GABRA4: variants seen among roughly 807,000 people sequenced by gnomAD.
GABRA4 encodes gamma-aminobutyric acid receptor subunit alpha-4.
Under a neutral mutation model 49.7 loss-of-function variants are expected in GABRA4, and 12 were observed. The observed-to-expected ratio is 0.24, with a 90% CI of 0.15 to 0.39. The LOEUF is 0.39. Among genes scored for constraint, GABRA4 ranks in the 10% least tolerant of loss-of-function variants. GABRA4 has a pLI of 1.00. For synonymous variants in GABRA4, 288 were observed against 240.2 expected (o/e 1.20, Z -1.84); for missense variants, 506 against 686.0 (o/e 0.74, Z 2.93).
chr4:46,980,484 G>A (rs1723320111), intron 2 of GABRA4, among the ~76,000 whole-genome samples: 1 of 151,376 alleles, frequency 6.6e-6, no homozygotes, highest in Non-Finnish European at 1.5e-5. Flanking sequence ...AATGAAGATT[G>A]ATCCACACAA....
intron 3 of GABRA4, among the ~76,000 whole-genome samples, chr4:46,978,588 G>A (rs1723230282): frequency 6.8e-6 from 1 of 147,116 alleles, no homozygotes; most frequent in Admixed American, 6.9e-5. Context: ...TTGGGAGGTT[G>A]AGGCAAGAGA....
chr4:46,983,739 T>C (rs1283927252), intron 2 of GABRA4, among the ~76,000 whole-genome samples: 2 of 152,088 alleles, frequency 1.3e-5, no homozygotes, highest in Non-Finnish European at 2.9e-5. Flanking sequence ...TCAAACTTAC[T>C]CAGAGTATAA....
intron 8 of GABRA4, among the ~76,000 whole-genome samples, chr4:46,949,545 A>G (rs1490972672): frequency 6.6e-6 from 1 of 152,108 alleles, no homozygotes; most frequent in Admixed American, 6.6e-5. Flanking sequence ...GATTAATTGG[A>G]AAAAAATCAT....
chr4:46,948,525 A>G (rs932882893), intron 8 of GABRA4, among the ~76,000 whole-genome samples: 2 of 152,104 alleles, frequency 1.3e-5, no homozygotes, highest in Admixed American at 1.3e-4. Context: ...GGCCTGAAAT[A>G]AACATATATA....
chr4:46,977,593 A>G lies in GABRA4; in HGVS notation c.311T>C (p.Ile104Thr). ...TMDVFFRQTW[I>T]DKRLKYDGPI... The stretch of plus-strand genomic sequence containing the variant: ...GCCGTCATATTTTAATCTTTTGTCA[A>G]TCCATGTCTGCCTGAAGAACACATC... Residue 104 changes from isoleucine (I) to threonine (T), a missense_variant, in exon 4 of 9, where the codon ATT (isoleucine) becomes ACT (threonine). This residue lies in a region of GABRA4 where 195 missense variants were observed against 326.0 expected (regional missense o/e 0.60). Coordinates refer to ENST00000264318, the MANE Select transcript of GABRA4 (RefSeq NM_000809.4). 1 of 1,612,890 alleles carries G rather than the reference A, an allele frequency of 6.2e-7. No individual in the cohort carries two copies. Among genetic ancestry groups the G allele is most frequent in the Non-Finnish European group, 8.5e-7 (1 of 1,179,356 alleles).
chr4:46,980,612 G>A (rs1723324175), intron 2 of GABRA4, among the ~76,000 whole-genome samples: 1 of 152,002 alleles, frequency 6.6e-6, no homozygotes, highest in South Asian at 2.1e-4. Flanking sequence ...GCTAACATGA[G>A]ATTTAATGTT....
chr4:46,954,253 C>G (rs188610656), intron 8 of GABRA4, among the ~76,000 whole-genome samples: 16 of 152,102 alleles, frequency 1.1e-4, no homozygotes, highest in Non-Finnish European at 1.8e-4. Context: ...ATCATTTGTA[C>G]TAAAGTAAGC....
intron 2 of GABRA4, among the ~76,000 whole-genome samples, chr4:46,982,993 G>A (rs550765006): frequency 5.3e-4 from 81 of 152,010 alleles, no homozygotes; most frequent in Non-Finnish European, 9.4e-4. Context: ...GATGAATTAT[G>A]TGCCAGGTAG....
intron 8 of GABRA4, among the ~76,000 whole-genome samples, chr4:46,954,584 CA>C (rs1722279612): frequency 1.3e-5 from 2 of 150,470 alleles, no homozygotes; most frequent in Admixed American, 6.6e-5. Context: ...GAGTGCAGAG[CA>C]AACTTGCATT....
intron 8 of GABRA4, 97 bp downstream of exon 8, chr4:46,964,873 G>T: frequency 7.9e-7 from 1 of 1,259,046 alleles, no homozygotes; most frequent in Non-Finnish European, 1.1e-6. Flanking sequence ...CTTACAAGTT[G>T]ATATCAGGAT....
intron 6 of GABRA4, among the ~76,000 whole-genome samples, chr4:46,971,650 TAC>T (rs1187914163): frequency 6.6e-6 from 1 of 151,036 alleles, no homozygotes; most frequent in Admixed American, 6.6e-5. Flanking sequence ...CACTGACACA[TAC>T]ACACACATTT....
At chr4:46,990,570 G>A (rs1284872275) in intron 2 of GABRA4, among the ~76,000 whole-genome samples, 3 of 152,066 alleles carry the variant, frequency 2.0e-5, no homozygotes, top group Non-Finnish European at 4.4e-5. Flanking sequence ...TCAATTTTCT[G>A]ATGAATATTT....
In GABRA4 at chr4:46,978,934, C is replaced by T. The variant is rs186199607; in HGVS notation, c.273+97G>A. 1,168 of 802,862 alleles carry T rather than the reference C, an allele frequency of 1.5e-3. 4 individuals carry two copies. The African/African-American group carries it at 0.017, about 11-fold the overall frequency. 49.7% of individuals were successfully genotyped at this position (802,862 alleles called of 1,614,324 possible). A position where few individuals can be genotyped will look rare whatever the true frequency, so the allele number is the denominator to read the frequency against. ...AATTAGGGATTCTTTAGGTTTCTGG[C>T]TTTGTGTGATTGACAACAAAATAAA... is the stretch of plus-strand genomic sequence containing the variant. On this transcript the variant is annotated intron_variant, in intron 3 of 8. Transcript: ENST00000264318.
chr4:46,965,543 G>A (rs530679720), intron 7 of GABRA4, among the ~76,000 whole-genome samples: 2 of 151,724 alleles, frequency 1.3e-5, no homozygotes, highest in Non-Finnish European at 2.9e-5. Flanking sequence ...AAGGTTAAAA[G>A]CATGTAACGC....
chr4:46,954,611 A>G (rs1197560448), intron 8 of GABRA4, among the ~76,000 whole-genome samples: 10 of 151,984 alleles, frequency 6.6e-5, no homozygotes, highest in Admixed American at 6.6e-4. Context: ...CAAAGAATGG[A>G]TGAGTTTGTA....
At chr4:46,974,110 T>C in intron 6 of GABRA4, 122 bp downstream of exon 6, 1 of 923,276 alleles carries the variant, frequency 1.1e-6, no homozygotes, top group Non-Finnish European at 1.6e-6. Flanking sequence ...ATGCATCAAC[T>C]CTATTTCTGG....
At chr4:46,975,895 T>A (rs1244765281) in intron 5 of GABRA4, among the ~76,000 whole-genome samples, 1 of 152,000 alleles carries the variant, frequency 6.6e-6, no homozygotes, top group African/African-American at 2.4e-5. Flanking sequence ...CATAATACTC[T>A]CTGGCTTCAA....
chr4:46,943,950 G>C (rs1721898805), intron 8 of GABRA4, among the ~76,000 whole-genome samples: 1 of 152,014 alleles, frequency 6.6e-6, no homozygotes, highest in Admixed American at 6.6e-5. Context: ...TTTCTCAGTA[G>C]AATGGTGGAT....
At chr4:46,975,151 AG>A (rs1226048746) in intron 5 of GABRA4, among the ~76,000 whole-genome samples, 1 of 152,002 alleles carries the variant, frequency 6.6e-6, no homozygotes, top group Non-Finnish European at 1.5e-5. Flanking sequence ...CTCACACACA[AG>A]TAAGTTCAAA....
Sources: allele counts gnomAD v4.1 joint callset (sites outside exome capture counted in the v4.1 genomes callset), GRCh38; gene constraint gnomAD v4.1.1; regional missense constraint gnomAD v4.1.1; transcripts MANE v1.5; gene names NCBI Gene and HGNC (gene_info 2026-07-23, HGNC 2026-07-21).